PLK4: variants seen among roughly 807,000 people sequenced by gnomAD.
PLK4 encodes the protein polo like kinase 4.
Under a neutral mutation model 103.0 loss-of-function variants are expected in PLK4, and 51 were observed. The ratio of observed to expected loss-of-function variants is 0.50; its 90% CI spans 0.40 to 0.63. The LOEUF (loss-of-function observed/expected upper bound fraction) is 0.63, where lower values mean the gene tolerates loss of function less well. Ranked by LOEUF, PLK4 falls within the 20% of genes least tolerant of loss-of-function variation. The pLI is 0.00. For synonymous variants in PLK4, 389 were observed against 376.8 expected, an observed-to-expected ratio of 1.03 and a Z score of -0.38; for missense variants, 1,054 against 1,151.0, an observed-to-expected ratio of 0.92 and a Z score of 1.22.
chr4:127,888,044 C>A (rs1473407988), intron 6 of PLK4, among the ~76,000 whole-genome samples: 5 of 149,870 alleles, frequency 3.3e-5, no homozygotes, highest in African/African-American at 7.4e-5. Context: ...GCTGGGTTTG[C>A]TGGCACACAC....
rs753179841 is a variant in PLK4, at chr4:127,892,367, A to G, written c.2041A>G (p.Lys681Glu). The stretch of plus-strand genomic sequence containing the variant: ...TGTTAAGTATTTTTTTTCCTTAGAA[A>G]AATACTGGCGAAAATATCAATATGC... ...SRYSFDNLPE[K>E]YWRKYQYASR... The change falls in exon 10 of 16, where the codon AAA becomes GAA. Residue 681 changes from lysine (K) to glutamate (E), a missense_variant and splice_region_variant. Transcript: ENST00000270861. The G allele has an allele frequency of 1.3e-6, 2 of 1,559,118 alleles. No individual in the cohort carries two copies.
At chr4:127,888,177 C>CAAAAAAAAAAAAAAAAAAAAAAAA (rs58491426) in intron 6 of PLK4, among the ~76,000 whole-genome samples, 3 of 33,238 alleles carry the variant, frequency 9.0e-5, no homozygotes, top group Admixed American at 5.7e-4. Context: ...TAGACTGTCT[C>CAAAAAAAAAAAAAAAAAAAAAAAA]AAAAAAAAAA....
intron 14 of PLK4, among the ~76,000 whole-genome samples, chr4:127,895,306 G>C (rs1735520286): frequency 6.6e-6 from 1 of 152,068 alleles, no homozygotes; most frequent in Non-Finnish European, 1.5e-5. Context: ...ATAAGAGGTT[G>C]CCTGCTAGGC....
rs187607589 is a variant in PLK4, at chr4:127,885,952, T to G, written c.582T>G (p.Val194=). The change falls in exon 5 of 16, where the codon GTT becomes GTG. Residue 194 remains valine, a synonymous_variant. Transcript: ENST00000270861. ...TRSAHGLESD[V]WSLGCMFYTL... ...GTGCACATGGCCTTGAATCTGATGT[T>G]TGGTCCCTGGGCTGTATGTTTTATA... 2.1e-5 allele frequency: 34 copies of G among 1,614,198 alleles called. No individual in the cohort carries two copies. In the East Asian group the frequency reaches 7.4e-4, roughly 35 times the overall value.
intron 7 of PLK4, among the ~76,000 whole-genome samples, 181 bp downstream of exon 7, chr4:127,890,417 T>A (rs528334368): frequency 1.3e-5 from 2 of 151,296 alleles, no homozygotes; most frequent in Non-Finnish European, 2.9e-5. Context: ...CCCTCTATCT[T>A]CTTAATTATA....
At chr4:127,883,220 T>C in intron 2 of PLK4, 42 bp from the exon 3 acceptor site, 1 of 1,006,356 alleles carries the variant, frequency 9.9e-7, no homozygotes, top group Non-Finnish European at 1.5e-6. Context: ...TTAAGCAGTT[T>C]ATATTTGAAA....
At chr4:127,885,115 C>G (rs1276375936) in intron 4 of PLK4, among the ~76,000 whole-genome samples, 1 of 152,078 alleles carries the variant, frequency 6.6e-6, no homozygotes, top group Non-Finnish European at 1.5e-5. Flanking sequence ...GTAGGCTTCT[C>G]TTAACTGCAT....
intron 9 of PLK4, chr4:127,892,131 C>T: frequency 3.0e-6 from 1 of 329,472 alleles, no homozygotes; most frequent in South Asian, 5.9e-5. Flanking sequence ...ATCAGTGCTG[C>T]TACATAAATG....
chr4:127,890,167 A>G lies in PLK4; in HGVS notation c.1761A>G (p.Leu587=), dbSNP rs1350573927. The change falls in exon 7 of 16, where the codon TTA becomes TTG. Residue 587 remains leucine, a synonymous_variant. Transcript: ENST00000270861. ...CATGGGGTTATCAGAATCGTACATT[A>G]AGAAGCATTACATCTCCGTTGGTTG... ...EPPWGYQNRT[L]RSITSPLVAH... The G allele has an allele frequency of 6.2e-7, 1 of 1,613,838 alleles. No homozygotes were observed. Among genetic ancestry groups the G allele is most frequent in the East Asian group, 2.2e-5 (1 of 44,876 alleles).
chr4:127,881,730 A>G (rs1734936653), intron 1 of PLK4, 101 bp from the exon 2 acceptor site: 2 of 754,180 alleles, frequency 2.7e-6, no homozygotes, highest in African/African-American at 1.7e-5. Flanking sequence ...GAATTTTGTC[A>G]AATTCCCCAC....
chr4:127,898,458 T>A lies in PLK4; in HGVS notation c.2830T>A (p.Leu944Ile). The change falls in exon 16 of 16, where the codon TTA becomes ATA. Residue 944 changes from leucine to isoleucine, a missense_variant. Leu to Ile is a conservative substitution (Grantham distance 5). Coordinates refer to ENST00000270861, the MANE Select transcript of PLK4 (RefSeq NM_014264.5). ...ACTTAGGTATGGAGAAAATGAAAAA[T>A]TACCAGACTACATCAAACAGAAATT... is the stretch of plus-strand genomic sequence containing the variant. ...QTTRYGENEKLPDYIKQKLQC... is the reference protein window; with the variant it reads ...QTTRYGENEKIPDYIKQKLQC... 1 of 1,552,606 alleles carries A rather than the reference T, an allele frequency of 6.4e-7. No homozygotes were observed. Among genetic ancestry groups the A allele is most frequent in the Non-Finnish European group, 8.8e-7 (1 of 1,131,186 alleles).
intron 12 of PLK4, 25 bp from the exon 13 acceptor site, chr4:127,893,709 A>T (rs777091282): frequency 1.3e-6 from 2 of 1,599,592 alleles, no homozygotes; most frequent in South Asian, 1.1e-5. Flanking sequence ...CTTCAAGGGA[A>T]TATATTTGGA....
Position 127,893,131 on chromosome 4 carries a change from A to AT in PLK4, c.2189-153dup, listed in dbSNP as rs571070638. On this transcript the variant is annotated intron_variant, in intron 10 of 15. Coordinates refer to ENST00000270861, the MANE Select transcript of PLK4 (RefSeq NM_014264.5). Reference sequence around the variant, plus strand: ...AAAATGGATGATCCATATTTATTGAATGCTTTGATAGTCTCATTTTATTAA... The same window carrying AT: ...AAAATGGATGATCCATATTTATTGAATTGCTTTGATAGTCTCATTTTATTAA... 6.9e-4 allele frequency: 334 copies of AT among 487,320 alleles called. 2 individuals are homozygous for AT. Among genetic ancestry groups the AT allele is most frequent in the African/African-American group, 6.1e-3 (306 of 50,008 alleles). The allele number at this position is 487,320 out of a possible 1,614,324, so 30.2% of individuals were successfully genotyped here. A position where few individuals can be genotyped will look rare whatever the true frequency, so the allele number is the denominator to read the frequency against.
chr4:127,892,439 T>C lies in PLK4; in HGVS notation c.2113T>C (p.Tyr705His), dbSNP rs758962270. 1 of 1,590,416 alleles carries C rather than the reference T, an allele frequency of 6.3e-7. No individual in the cohort carries two copies. Among genetic ancestry groups the C allele is most frequent in the East Asian group, 2.3e-5 (1 of 43,572 alleles). ...AAGATCTAAATCTCCCAAAATCACT[T>C]ATTTTACAAGATATGCTAAATGCAT... ...LVRSKSPKIT[Y>H]FTRYAKCILM... Residue 705 changes from tyrosine (Y) to histidine (H), a missense_variant, in exon 10 of 16, where the codon TAT becomes CAT. Around this residue, in one of 4 missense-constraint regions of PLK4, gnomAD observed 680 missense variants for 660.3 expected, o/e 1.03. Transcript: ENST00000270861.
At chr4:127,888,533 G>A (rs1735233057) in intron 6 of PLK4, among the ~76,000 whole-genome samples, 2 of 152,122 alleles carry the variant, frequency 1.3e-5, no homozygotes, top group South Asian at 2.1e-4. Context: ...AAAGATGATT[G>A]ACCTTATTTT....
In PLK4 at chr4:127,890,248, A is replaced by G. The variant is rs775377037; in HGVS notation, c.1830+12A>G. 1.9e-6 allele frequency: 3 copies of G among 1,571,430 alleles called. No individual in the cohort carries two copies. The highest frequency in any genetic ancestry group is 1.2e-5 in the South Asian group (1 of 85,492). Reference sequence around the variant, plus strand: ...CCAAAAAGGCTGTGGTATGTCTGTTATCTTCTTAAGTTACTAAATAACATT... The same window carrying G: ...CCAAAAAGGCTGTGGTATGTCTGTTGTCTTCTTAAGTTACTAAATAACATT... On this transcript the variant is annotated intron_variant, in intron 7 of 15. Transcript: ENST00000270861.
intron 6 of PLK4, among the ~76,000 whole-genome samples, chr4:127,888,463 C>A (rs1266450837): frequency 3.3e-5 from 5 of 152,128 alleles, no homozygotes; most frequent in Admixed American, 1.3e-4. Context: ...TTATTCTTAA[C>A]CCCTGCTCTT....
Position 127,886,487 on chromosome 4 carries a change from C to G in PLK4, c.1117C>G (p.Leu373Val). 6.2e-7 allele frequency: 1 copy of G among 1,613,904 alleles called. No homozygotes were observed. The highest frequency in any genetic ancestry group is 8.5e-7 in the Non-Finnish European group (1 of 1,179,808). Reference protein sequence around the residue: ...DAEERPHSRYLRRAYSSDRSG... With the variant: ...DAEERPHSRYVRRAYSSDRSG... ...AGAAGAAAGGCCACATTCTCGATAC[C>G]TTCGTAGAGCTTATTCCTCTGATAG... Residue 373 changes from leucine (L) to valine (V), a missense_variant, in exon 5 of 16, where the codon CTT becomes GTT. Physicochemically the swap from Leu to Val is conservative, Grantham distance 32. Coordinates refer to ENST00000270861, the MANE Select transcript of PLK4 (RefSeq NM_014264.5).
rs752785387 is a variant in PLK4 at position 127,893,481 on chromosome 4, A to G, written c.2323-32A>G. The G allele has an allele frequency of 3.1e-6, 5 of 1,601,278 alleles. No homozygotes were observed. In the Admixed American group the frequency reaches 5.1e-5, roughly 16 times the overall value. On this transcript the variant is annotated intron_variant, in intron 11 of 15. Coordinates refer to ENST00000270861, the MANE Select transcript of PLK4 (RefSeq NM_014264.5). ...AATGATTGCAAATGACATAGGTGAA[A>G]CAATGACAGAAGCACTCTTCTTTTG...
Sources: gnomAD v4.1 joint callset for allele counts (sites outside exome capture counted in the v4.1 genomes callset) on GRCh38, gnomAD v4.1.1 for gene constraint, gnomAD v4.1.1 regional missense constraint, MANE v1.5 for transcripts, NCBI Gene and HGNC (gene_info 2026-07-23, HGNC 2026-07-21) for gene names.